OXSR1: variants seen among roughly 807,000 people sequenced by gnomAD.
OXSR1 encodes the protein oxidative stress responsive kinase 1, also known as serine/threonine-protein kinase OSR1.
OXSR1 carries 24 observed loss-of-function variants against 79.8 expected under a neutral mutation model. The ratio of observed to expected loss-of-function variants is 0.30; its 90% CI spans 0.22 to 0.42. The LOEUF (loss-of-function observed/expected upper bound fraction) is 0.42. Among genes scored for constraint, OXSR1 ranks in the 10% least tolerant of loss-of-function variants. The pLI, the probability that OXSR1 is intolerant of heterozygous loss-of-function variation, is 1.00. For missense variants in OXSR1, 430 were observed against 618.4 expected, an observed-to-expected ratio of 0.70 and a Z score of 3.23; for synonymous variants, 226 against 209.2, an observed-to-expected ratio of 1.08 and a Z score of -0.69.
At position 38,221,631 on chromosome 3, in the gene OXSR1, G is replaced by A. The variant is rs1364559194; in HGVS notation, c.544G>A (p.Val182Met). ...TGGTGGTGATATTACCCGAAATAAA[G>A]TGAGAAAGACCTTTGTTGGCACCCC... is the stretch of plus-strand genomic sequence containing the variant. The part of the protein sequence containing the change: ...ATGGDITRNK[V>M]RKTFVGTPCW... Residue 182 changes from valine (V) to methionine (M), a missense_variant, in exon 6 of 18, where the codon GTG becomes ATG. Val to Met is a conservative substitution (Grantham distance 21). Coordinates refer to ENST00000311806, the MANE Select transcript of OXSR1 (RefSeq NM_005109.3). 3 of 1,613,340 alleles carry A rather than the reference G, an allele frequency of 1.9e-6. No individual in the cohort carries two copies. The highest frequency in any genetic ancestry group is 2.5e-6 in the Non-Finnish European group (3 of 1,179,532).
At chr3:38,179,380 G>A (rs1025572948) in intron 1 of OXSR1, among the ~76,000 whole-genome samples, 6 of 151,700 alleles carry the variant, frequency 4.0e-5, no homozygotes, top group South Asian at 2.1e-4. Flanking sequence ...TTGCCCATGC[G>A]GGTCTCGAAT....
chr3:38,242,157 A>C (rs1703048610), intron 11 of OXSR1, among the ~76,000 whole-genome samples: 1 of 152,196 alleles, frequency 6.6e-6, no homozygotes, highest in Non-Finnish European at 1.5e-5. Flanking sequence ...CACCTCAAGT[A>C]TCAGTTTATT....
chr3:38,196,616 TC>T (rs1346920004), intron 3 of OXSR1, among the ~76,000 whole-genome samples: 1 of 152,228 alleles, frequency 6.6e-6, no homozygotes, highest in African/African-American at 2.4e-5. Flanking sequence ...GCTTTAATCT[TC>T]CCATTGATCA....
intron 5 of OXSR1, among the ~76,000 whole-genome samples, chr3:38,221,190 T>C (rs1702582596): frequency 6.6e-6 from 1 of 151,880 alleles, no homozygotes; most frequent in African/African-American, 2.4e-5. Flanking sequence ...TAGTGGTATG[T>C]AGAGTGGATT....
chr3:38,227,004 GGAACT>G (rs1375570092), intron 8 of OXSR1, among the ~76,000 whole-genome samples: 1 of 152,130 alleles, frequency 6.6e-6, no homozygotes, highest in East Asian at 1.9e-4. Flanking sequence ...ATGGCATGTA[GGAACT>G]CTGTACTAGC....
At chr3:38,206,221 A>G (rs1702261565) in intron 4 of OXSR1, among the ~76,000 whole-genome samples, 1 of 152,176 alleles carries the variant, frequency 6.6e-6, no homozygotes, top group South Asian at 2.1e-4. Context: ...GATTTGCTCA[A>G]GCTTATACAA....
chr3:38,195,625 T>C (rs1288338931), intron 3 of OXSR1, among the ~76,000 whole-genome samples: 1 of 152,222 alleles, frequency 6.6e-6, no homozygotes, highest in Non-Finnish European at 1.5e-5. Context: ...TTAAAGAGTA[T>C]CTTTTCATAC....
At chr3:38,238,974 T>A (rs1218371420) in intron 11 of OXSR1, among the ~76,000 whole-genome samples, 2 of 152,160 alleles carry the variant, frequency 1.3e-5, no homozygotes, top group South Asian at 2.1e-4. Flanking sequence ...TTAATTTTTT[T>A]AAAATTCTTT....
chr3:38,218,050 T>C (rs2125833474), intron 5 of OXSR1, among the ~76,000 whole-genome samples: 1 of 152,332 alleles, frequency 6.6e-6, no homozygotes. Context: ...CTTTTGGTCA[T>C]TATGAATAAT....
At chr3:38,187,419 T>C (rs1468333914) in intron 2 of OXSR1, among the ~76,000 whole-genome samples, 1 of 152,174 alleles carries the variant, frequency 6.6e-6, no homozygotes, top group East Asian at 1.9e-4. Context: ...GAAAATACAT[T>C]AGTAGTAGAA....
chr3:38,185,914 C>T (rs1349613843), intron 2 of OXSR1, among the ~76,000 whole-genome samples: 17 of 138,162 alleles, frequency 1.2e-4, no homozygotes, highest in African/African-American at 4.5e-4. Flanking sequence ...CACTGCATGC[C>T]AGCCTGGGTG....
intron 5 of OXSR1, 84 bp downstream of exon 5, chr3:38,216,235 C>A: frequency 1.2e-6 from 1 of 866,472 alleles, no homozygotes; most frequent in Non-Finnish European, 1.8e-6. Context: ...AATCAGCATT[C>A]TCTCCTGTTC....
intron 1 of OXSR1, among the ~76,000 whole-genome samples, chr3:38,169,303 T>G (rs76649293): frequency 0.099 from 15,053 of 152,000 alleles, 913 homozygotes; most frequent in African/African-American, 0.17. Flanking sequence ...TTGTTTTTTT[T>G]TTTGTTTGTT....
chr3:38,216,007 TTACA>T, intron 4 of OXSR1, 85 bp from the exon 5 acceptor site: 1 of 761,030 alleles, frequency 1.3e-6, no homozygotes, highest in Admixed American at 2.6e-5. Context: ...ATTGCTAGTA[TTACA>T]TGAATATAGT....
chr3:38,238,946 C>T (rs1702973382), intron 11 of OXSR1, among the ~76,000 whole-genome samples: 2 of 152,036 alleles, frequency 1.3e-5, no homozygotes, highest in Admixed American at 1.3e-4. Flanking sequence ...GAAGTTGTCT[C>T]ACAGCCCACT....
chr3:38,207,932 T>TTTCCTTCCTTCCTTCCTTCCTTCC (rs1202436620), intron 4 of OXSR1, among the ~76,000 whole-genome samples: 51 of 95,154 alleles, frequency 5.4e-4, no homozygotes, highest in African/African-American at 2.1e-3. Context: ...CTCCCCTCCC[T>TTTCCTTCCTTCCTTCCTTCCTTCC]TTCCTTCCTT....
intron 10 of OXSR1, among the ~76,000 whole-genome samples, chr3:38,231,793 A>G (rs1176046358): frequency 1.3e-5 from 2 of 152,206 alleles, no homozygotes; most frequent in Admixed American, 6.5e-5. Flanking sequence ...GTGTTGATTT[A>G]TATCTGAAAT....
chr3:38,247,559 G>C, intron 13 of OXSR1, 109 bp from the exon 14 acceptor site: 1 of 736,908 alleles, frequency 1.4e-6, no homozygotes, highest in African/African-American at 1.7e-5. Flanking sequence ...ACCTCAGCTG[G>C]AGATGAAGAA....
At chr3:38,203,305 C>A (rs1039943080) in intron 4 of OXSR1, among the ~76,000 whole-genome samples, 2 of 152,194 alleles carry the variant, frequency 1.3e-5, no homozygotes, top group African/African-American at 4.8e-5. Context: ...ACCCTGCCCC[C>A]CTTGTCTTGT....
Sources: gnomAD v4.1 joint callset for allele counts (sites outside exome capture counted in the v4.1 genomes callset) on GRCh38, gnomAD v4.1.1 for gene constraint, MANE v1.5 for transcripts, NCBI Gene and HGNC (gene_info 2026-07-23, HGNC 2026-07-21) for gene names.